PRKN: variants seen among roughly 807,000 people sequenced by gnomAD.
The protein encoded by PRKN is E3 ubiquitin-protein ligase parkin.
A neutral mutation model predicts 59.5 loss-of-function variants in PRKN; 56 were observed. The ratio of observed to expected loss-of-function variants is 0.94; its 90% CI spans 0.76 to 1.18. The LOEUF is 1.18. PRKN is among the 50% of genes most tolerant of loss of function. The pLI is 0.00. For missense variants in PRKN, 657 were observed against 596.4 expected (o/e 1.10, Z -1.06); for synonymous variants, 250 against 222.1 (o/e 1.13, Z -1.12).
At chr6:162,711,572 A>G (rs1778539750) in intron 1 of PRKN, among the ~76,000 whole-genome samples, 1 of 152,164 alleles carries the variant, frequency 6.6e-6, no homozygotes, top group East Asian at 1.9e-4. Context: ...CCAACCTGAC[A>G]TACAAATTCA....
intron 1 of PRKN, among the ~76,000 whole-genome samples, chr6:162,495,342 G>A (rs1793008911): frequency 6.6e-6 from 1 of 152,244 alleles, no homozygotes; most frequent in South Asian, 2.1e-4. Context: ...GAAACCTCAG[G>A]CTTTCTGATC....
chr6:161,464,202 C>T (rs997415079), intron 9 of PRKN, among the ~76,000 whole-genome samples: 3 of 152,074 alleles, frequency 2.0e-5, no homozygotes, highest in African/African-American at 4.8e-5. Flanking sequence ...TTAGTAGAGA[C>T]AGGGTTTCTC....
intron 2 of PRKN, among the ~76,000 whole-genome samples, chr6:162,355,711 A>AT (rs1784828256): frequency 7.0e-6 from 1 of 142,668 alleles, no homozygotes; most frequent in African/African-American, 2.6e-5. Context: ...TTTGAACCAA[A>AT]TTAAAAAAAA....
chr6:162,126,977 A>G (rs1229717973), intron 4 of PRKN, among the ~76,000 whole-genome samples: 1 of 152,228 alleles, frequency 6.6e-6, no homozygotes, highest in Admixed American at 6.5e-5. Context: ...GTGACATAAC[A>G]TGTTTAATAA....
At chr6:161,875,087 T>C (rs1225318181) in intron 6 of PRKN, among the ~76,000 whole-genome samples, 1 of 127,500 alleles carries the variant, frequency 7.8e-6, no homozygotes, top group African/African-American at 3.2e-5. Context: ...GTATATATGA[T>C]ATATTATATA....
chr6:161,784,101 T>C (rs1352401827), intron 7 of PRKN, among the ~76,000 whole-genome samples: 1 of 152,228 alleles, frequency 6.6e-6, no homozygotes, highest in Non-Finnish European at 1.5e-5. Context: ...CAGTCATTTA[T>C]ACATAGAGAG....
chr6:161,859,639 C>T (rs1051846443), intron 6 of PRKN, among the ~76,000 whole-genome samples: 4 of 129,028 alleles, frequency 3.1e-5, no homozygotes, highest in Non-Finnish European at 6.6e-5. Context: ...AGAGAAAGAG[C>T]ATTTCTTGTA....
rs190394806 is a variant in PRKN, at chr6:162,413,081, T to C, written c.171+30229A>G. 3.7e-3 allele frequency among the ~76,000 whole-genome samples: 557 copies of C among 152,290 alleles called. 6 individuals are homozygous for C. The highest frequency in any genetic ancestry group is 0.013 in the African/African-American group (536 of 41,570). Reference sequence around the variant, plus strand: ...ATTTCTTAAGCAAAAATTTCTTAAATATGAAAATTGGGGGCTTCTTCTGTG... The same window carrying C: ...ATTTCTTAAGCAAAAATTTCTTAAACATGAAAATTGGGGGCTTCTTCTGTG... On this transcript the variant is annotated intron_variant, in intron 2 of 11. Coordinates refer to ENST00000366898, the MANE Select transcript of PRKN (RefSeq NM_004562.3).
rs1789375232 is a variant in PRKN at position 161,444,042 on chromosome 6, C to CTT, written c.1084-57167_1084-57166dup. Among the ~76,000 whole-genome samples, 1 of 150,796 alleles carries CTT rather than the reference C, an allele frequency of 6.6e-6. No homozygotes were observed. The highest frequency in any genetic ancestry group is 2.5e-5 in the African/African-American group (1 of 40,090). On this transcript the variant is annotated intron_variant, in intron 9 of 11. Coordinates refer to ENST00000366898, the MANE Select transcript of PRKN (RefSeq NM_004562.3). The surrounding 1 kb of genome is among the most constrained non-coding windows in gnomAD (Gnocchi z 5.6). ...TAACTAGGAGGCGCCAGGCTTAGGC[C>CTT]TTAGGCAGACAAAGAGCAAAAGTGT...
At chr6:162,612,099 A>C (rs1782201185) in intron 1 of PRKN, among the ~76,000 whole-genome samples, 2 of 148,412 alleles carry the variant, frequency 1.3e-5, no homozygotes, top group African/African-American at 5.0e-5. Flanking sequence ...AGGCTGAGGC[A>C]GGAGAATGGC....
chr6:161,694,934 T>C (rs920717809), intron 7 of PRKN, among the ~76,000 whole-genome samples: 3 of 152,094 alleles, frequency 2.0e-5, no homozygotes, highest in Admixed American at 2.0e-4. Context: ...CTGGTGGGCA[T>C]TCACTAAACT....
chr6:161,733,783 A>ATATATATATATATATATAT (rs1554298472), intron 7 of PRKN, among the ~76,000 whole-genome samples: 1 of 86,228 alleles, frequency 1.2e-5, no homozygotes, highest in African/African-American at 8.8e-5. Context: ...AAAAAAAAAA[A>ATATATATATATATATATAT]ATATATATAT....
intron 7 of PRKN, among the ~76,000 whole-genome samples, chr6:161,570,451 A>AT (rs112898507): frequency 6.6e-6 from 1 of 150,598 alleles, no homozygotes; most frequent in East Asian, 1.9e-4. Flanking sequence ...TTATACACAG[A>AT]TTTTTTCTTC....
At chr6:162,275,123 C>T (rs1780575120) in intron 2 of PRKN, 1 of 149,736 alleles carries the variant, frequency 6.7e-6, no homozygotes, top group Admixed American at 6.7e-5. Flanking sequence ...ATTCTACAGG[C>T]TTGACTAGGT....
At chr6:161,824,805 G>A (rs1187587190) in intron 6 of PRKN, among the ~76,000 whole-genome samples, 1 of 152,168 alleles carries the variant, frequency 6.6e-6, no homozygotes, top group Non-Finnish European at 1.5e-5. Flanking sequence ...TTCCTGATTT[G>A]ACATGATATA....
intron 6 of PRKN, among the ~76,000 whole-genome samples, chr6:161,948,466 G>T (rs1779863848): frequency 1.3e-5 from 2 of 152,150 alleles, no homozygotes; most frequent in Non-Finnish European, 2.9e-5. Flanking sequence ...ACTGAGGCAG[G>T]CAACAAACTT....
At chr6:162,612,409 A>G (rs1277994146) in intron 1 of PRKN, among the ~76,000 whole-genome samples, 1 of 151,726 alleles carries the variant, frequency 6.6e-6, no homozygotes, top group Non-Finnish European at 1.5e-5. Flanking sequence ...ACATGTTAAC[A>G]CTGGGGAAAA....
chr6:162,521,066 GA>G (rs1778064131), intron 1 of PRKN, among the ~76,000 whole-genome samples: 1 of 152,096 alleles, frequency 6.6e-6, no homozygotes, highest in South Asian at 2.1e-4. Flanking sequence ...CTCTATTTAA[GA>G]AAGGGCCTTA....
At chr6:162,301,325 T>G (rs1781942747) in intron 2 of PRKN, among the ~76,000 whole-genome samples, 1 of 151,110 alleles carries the variant, frequency 6.6e-6, no homozygotes, top group Admixed American at 6.6e-5. Flanking sequence ...AGACGCAGAC[T>G]CAGCATTCTT....
Sources: allele counts gnomAD v4.1 joint callset (sites outside exome capture counted in the v4.1 genomes callset), GRCh38; gene constraint gnomAD v4.1.1; non-coding constraint Gnocchi (gnomAD v3.1); transcripts MANE v1.5; gene names NCBI Gene and HGNC (gene_info 2026-07-23, HGNC 2026-07-21).